The following VIRMA variants were observed in gnomAD, a reference collection of about 807,000 sequenced individuals.
VIRMA encodes the protein vir like m6A methyltransferase associated.
In VIRMA, 65 loss-of-function variants were observed where a neutral mutation model predicts 182.4. That is an observed-to-expected ratio of 0.36 (90% CI 0.29 to 0.44). The LOEUF is 0.44. Among genes scored for constraint, VIRMA ranks in the 20% least tolerant of loss-of-function variants. The pLI, the probability that VIRMA is intolerant of heterozygous loss-of-function variation, is 1.00. For missense variants in VIRMA, 1,752 were observed against 2,158.1 expected, an observed-to-expected ratio of 0.81 and a Z score of 3.73; for synonymous variants, 709 against 743.1, an observed-to-expected ratio of 0.95 and a Z score of 0.75.
Position 94,517,689 on chromosome 8 carries a change from AG to A in VIRMA, c.2668+98del, listed in dbSNP as rs1814606602. 9.7e-6 allele frequency: 7 copies of A among 720,428 alleles called. 1 individual carries two copies. The South Asian group carries it at 2.0e-4, about 21-fold the overall frequency. The allele number at this position is 720,428 out of a possible 1,614,324, so 44.6% of individuals were successfully genotyped here. On this transcript the variant is annotated intron_variant, in intron 10 of 23. Coordinates refer to ENST00000297591, the MANE Select transcript of VIRMA (RefSeq NM_015496.5). ...TCAGGAAGTTAAAAACAGTATTACT[AG>A]GTATATTATCGAAACATGATGAAGG...
intron 15 of VIRMA, 37 bp downstream of exon 15, chr8:94,509,651 C>T (rs370114519): frequency 6.3e-7 from 1 of 1,576,194 alleles, no homozygotes; most frequent in Non-Finnish European, 8.6e-7. Flanking sequence ...CACACATACA[C>T]ATGCAGAGAG....
At position 94,494,924 on chromosome 8, in the gene VIRMA, T is replaced by C; in HGVS notation, c.4577A>G (p.Asp1526Gly). 6.2e-7 allele frequency: 1 copy of C among 1,611,858 alleles called. No individual in the cohort carries two copies. The highest frequency in any genetic ancestry group is 8.5e-7 in the Non-Finnish European group (1 of 1,178,124). The stretch of plus-strand genomic sequence containing the variant: ...AGTGAACCACATAGATTTCAACTGA[T>C]CATCCATGACATCAGCAAGCACATA... ...TAYVLADVMD[D>G]QLKSMWFTPF... Residue 1526 changes from aspartate (D) to glycine (G), a missense_variant, in exon 20 of 24, where the codon GAT becomes GGT. Physicochemically the swap from Asp to Gly is moderately conservative, Grantham distance 94 (BLOSUM62 -1). Around this residue, in one of 11 missense-constraint regions of VIRMA, gnomAD observed 777 missense variants for 920.6 expected, o/e 0.84. Transcript: ENST00000297591.
chr8:94,522,668 A>G (rs1312923531), intron 8 of VIRMA, among the ~76,000 whole-genome samples: 1 of 152,146 alleles, frequency 6.6e-6, no homozygotes, highest in Non-Finnish European at 1.5e-5. Flanking sequence ...GTACTATTAT[A>G]TAATATAATG....
At chr8:94,488,996 G>A in intron 23 of VIRMA, 136 bp from the exon 24 acceptor site, 1 of 824,902 alleles carries the variant, frequency 1.2e-6, no homozygotes, top group Non-Finnish European at 1.8e-6. Context: ...CACGGTGAAT[G>A]GGCCAAAGAT....
Position 94,537,096 on chromosome 8 carries a change from G to C in VIRMA, c.315+7C>G. Reference sequence around the variant, plus strand: ...ATGACAAGCTGAAAACTGACTTCCAGAATTACCTTTGAGTTAGGTCTAAAG... The same window carrying C: ...ATGACAAGCTGAAAACTGACTTCCACAATTACCTTTGAGTTAGGTCTAAAG... On this transcript the variant is annotated splice_region_variant and intron_variant, in intron 4 of 23. Coordinates refer to ENST00000297591, the MANE Select transcript of VIRMA (RefSeq NM_015496.5). The C allele has an allele frequency of 6.3e-7, 1 of 1,587,632 alleles. No individual in the cohort carries two copies. The highest frequency in any genetic ancestry group is 8.6e-7 in the Non-Finnish European group (1 of 1,156,116).
chr8:94,517,700 C>T lies in VIRMA; in HGVS notation c.2668+88G>A, dbSNP rs921220526. 1.7e-5 allele frequency: 15 copies of T among 905,930 alleles called. No homozygotes were observed. The South Asian group carries it at 2.8e-4, about 17-fold the overall frequency. 56.1% of individuals were successfully genotyped at this position (905,930 alleles called of 1,614,324 possible). A position where few individuals can be genotyped will look rare whatever the true frequency, so the allele number is the denominator to read the frequency against. On this transcript the variant is annotated intron_variant, in intron 10 of 23. Transcript: ENST00000297591. Reference sequence around the variant, plus strand: ...AAAACAGTATTACTAGGTATATTATCGAAACATGATGAAGGACTAATTACA... The same window carrying T: ...AAAACAGTATTACTAGGTATATTATTGAAACATGATGAAGGACTAATTACA...
At chr8:94,541,835 C>A (rs1815565443) in intron 2 of VIRMA, among the ~76,000 whole-genome samples, 1 of 151,678 alleles carries the variant, frequency 6.6e-6, no homozygotes, top group Non-Finnish European at 1.5e-5. Context: ...AGCCACCGTG[C>A]CTGGCCCTCA....
intron 1 of VIRMA, among the ~76,000 whole-genome samples, chr8:94,546,363 A>G (rs1815765691): frequency 1.3e-5 from 2 of 150,992 alleles, no homozygotes; most frequent in South Asian, 4.1e-4. Flanking sequence ...CACCATCCAC[A>G]TATTGCCCAA....
rs11364603 is a variant in VIRMA at position 94,544,662 on chromosome 8, C to CA, written c.64-721dup. Among the ~76,000 whole-genome samples the CA allele has an allele frequency of 4.2e-3, 398 of 94,212 alleles. 11 individuals are homozygous for CA. The highest frequency in any genetic ancestry group is 0.03 in the South Asian group (85 of 2,838). The allele number at this position is 94,212 out of a possible 152,430, so 61.8% of individuals were successfully genotyped here. On this transcript the variant is annotated intron_variant, in intron 1 of 23. Coordinates refer to ENST00000297591, the MANE Select transcript of VIRMA (RefSeq NM_015496.5). ...GGTGACAGAGCGAGCGACTCTGTCTCAAAAAAAAAAAAAAAAAAGAAAAAA... is the reference window on the plus strand; with the variant it reads ...GGTGACAGAGCGAGCGACTCTGTCTCAAAAAAAAAAAAAAAAAAAGAAAAAA...
At chr8:94,537,072 T>A in intron 4 of VIRMA, 31 bp downstream of exon 4, 1 of 1,461,342 alleles carries the variant, frequency 6.8e-7, no homozygotes, top group Non-Finnish European at 9.6e-7. Context: ...CAAATAGTAA[T>A]GACAAGCTGA....
chr8:94,515,934 T>C (rs1814546611), intron 10 of VIRMA, among the ~76,000 whole-genome samples: 1 of 151,248 alleles, frequency 6.6e-6, no homozygotes, highest in South Asian at 2.1e-4. Flanking sequence ...CATCCCTACT[T>C]TAGTCCCTAC....
Position 94,488,586 on chromosome 8 carries a change from T to A in VIRMA, c.*120A>T. ...TCAAACAAATTCTGCTTTCTTCAGATAAAAATATTCTCTCAGATGTCTCCA... is the reference window on the plus strand; with the variant it reads ...TCAAACAAATTCTGCTTTCTTCAGAAAAAAATATTCTCTCAGATGTCTCCA... On this transcript the variant is annotated 3_prime_UTR_variant, in exon 24 of 24. Coordinates refer to ENST00000297591, the MANE Select transcript of VIRMA (RefSeq NM_015496.5). 1 of 927,040 alleles carries A rather than the reference T, an allele frequency of 1.1e-6. No individual in the cohort carries two copies. Among genetic ancestry groups the A allele is most frequent in the Non-Finnish European group, 1.5e-6 (1 of 647,568 alleles). 57.4% of individuals were successfully genotyped at this position (927,040 alleles called of 1,614,324 possible).
At chr8:94,516,146 A>G (rs1001452043) in intron 10 of VIRMA, among the ~76,000 whole-genome samples, 1 of 152,160 alleles carries the variant, frequency 6.6e-6, no homozygotes, top group Non-Finnish European at 1.5e-5. Context: ...CTGCTTATAA[A>G]TTAATGTAAC....
At chr8:94,532,893 C>T (rs1035853159) in intron 5 of VIRMA, among the ~76,000 whole-genome samples, 1 of 151,942 alleles carries the variant, frequency 6.6e-6, no homozygotes, top group Non-Finnish European at 1.5e-5. Context: ...TCCAGGATTA[C>T]GACGTTACAG....
chr8:94,531,163 G>C (rs1324386103), intron 5 of VIRMA, 78 bp from the exon 6 acceptor site: 1 of 1,387,888 alleles, frequency 7.2e-7, no homozygotes, highest in Non-Finnish European at 9.5e-7. Context: ...GAACTGTGTG[G>C]GTCCACTTAC....
chr8:94,489,635 G>C (rs1474902447), intron 23 of VIRMA, among the ~76,000 whole-genome samples: 1 of 151,920 alleles, frequency 6.6e-6, no homozygotes, highest in Non-Finnish European at 1.5e-5. Context: ...TCTTCCTTAT[G>C]ATTTTCTTAA....
At chr8:94,552,665 T>C (rs191403446) in intron 1 of VIRMA, among the ~76,000 whole-genome samples, 1 of 152,282 alleles carries the variant, frequency 6.6e-6, no homozygotes, top group Admixed American at 6.5e-5. Flanking sequence ...AATCTACATA[T>C]TGCAGGGCCA....
chr8:94,490,010 T>C lies in VIRMA; in HGVS notation c.5213A>G (p.Asn1738Ser), dbSNP rs751743778. ...ATTGCTCTGGCCTCCACGACTTTCATTGTAATTTCCTCGAGGAGTATTCTG... is the reference window on the plus strand; with the variant it reads ...ATTGCTCTGGCCTCCACGACTTTCACTGTAATTTCCTCGAGGAGTATTCTG... ...SAQNTPRGNYNESRGGQSNFN... is the reference protein window; with the variant it reads ...SAQNTPRGNYSESRGGQSNFN... The change falls in exon 23 of 24, where the codon AAT becomes AGT. Residue 1738 changes from asparagine (N) to serine (S), a missense_variant. Physicochemically the swap from Asn to Ser is conservative, Grantham distance 46. This residue lies in a region of VIRMA where 132 missense variants were observed against 173.8 expected (regional missense o/e 0.76). Coordinates refer to ENST00000297591, the MANE Select transcript of VIRMA (RefSeq NM_015496.5). 25 of 1,614,194 alleles carry C rather than the reference T, an allele frequency of 1.5e-5. No individual in the cohort carries two copies. The highest frequency in any genetic ancestry group is 1.1e-4 in the South Asian group (10 of 91,084).
intron 8 of VIRMA, among the ~76,000 whole-genome samples, chr8:94,521,740 T>C (rs538551828): frequency 1.5e-3 from 222 of 152,322 alleles, no homozygotes; most frequent in Non-Finnish European, 2.1e-3. Context: ...TTCAGTCCTA[T>C]TACTATTTAA....
Sources: gnomAD v4.1 joint callset for allele counts (sites outside exome capture counted in the v4.1 genomes callset) on GRCh38, gnomAD v4.1.1 for gene constraint, gnomAD v4.1.1 regional missense constraint, MANE v1.5 for transcripts, NCBI Gene and HGNC (gene_info 2026-07-23, HGNC 2026-07-21) for gene names.